Variants in ZC3H3 observed in about 807,000 individuals in gnomAD.
ZC3H3 encodes the protein zinc finger CCCH domain-containing protein 3.
A neutral mutation model predicts 77.3 loss-of-function variants in ZC3H3; 36 were observed. The ratio of observed to expected loss-of-function variants is 0.47; its 90% CI spans 0.36 to 0.61. ZC3H3 has a LOEUF of 0.61. ZC3H3 is among the 20% of genes least tolerant of loss of function. The pLI, the probability that ZC3H3 is intolerant of heterozygous loss-of-function variation, is 0.00. For missense variants in ZC3H3, 1,331 were observed against 1,312.2 expected (o/e 1.01, Z -0.22); for synonymous variants, 626 against 555.2 (o/e 1.13, Z -1.79).
In ZC3H3 at chr8:143,440,140, G is replaced by C; in HGVS notation, c.2716C>G (p.Leu906Val). Residue 906 changes from leucine (L) to valine (V), a missense_variant, in exon 11 of 12, where the codon CTC (leucine) becomes GTC (valine). By Grantham distance (32) the Leu-to-Val change is conservative. Transcript: ENST00000262577. Reference protein sequence around the residue: ...AALAAACSNRLCKLPSFISLQ... With the variant: ...AALAAACSNRVCKLPSFISLQ... ...GAGATGAAGGAAGGCAGCTTGCAGA[G>C]CCTGTTGGAGCACGCTGCTGCTAAG... 6.2e-7 allele frequency: 1 copy of C among 1,611,800 alleles called. No individual in the cohort carries two copies. The highest frequency in any genetic ancestry group is 1.1e-5 in the South Asian group (1 of 90,762).
chr8:143,445,007 A>G (rs1013886544), intron 9 of ZC3H3, among the ~76,000 whole-genome samples: 2 of 152,238 alleles, frequency 1.3e-5, no homozygotes, highest in African/African-American at 2.4e-5. Flanking sequence ...TTATATTTCT[A>G]TACGCCAATG....
intron 4 of ZC3H3, among the ~76,000 whole-genome samples, chr8:143,503,242 T>C (rs10102644): frequency 0.14 from 21,225 of 152,174 alleles, 1,995 homozygotes; most frequent in East Asian, 0.46. Context: ...ATGCCACCCG[T>C]TGAGGCAGGA....
At chr8:143,489,470 C>T (rs1038726866) in intron 4 of ZC3H3, among the ~76,000 whole-genome samples, 8 of 152,058 alleles carry the variant, frequency 5.3e-5, no homozygotes, top group Admixed American at 4.6e-4. Flanking sequence ...CCGCCCACCA[C>T]CGCCTGGCCC....
chr8:143,475,162 G>T (rs1586901646), intron 5 of ZC3H3, among the ~76,000 whole-genome samples: 1 of 152,216 alleles, frequency 6.6e-6, no homozygotes. Flanking sequence ...CGAAGGCGCC[G>T]GGTGTATGGA....
chr8:143,472,789 G>A (rs1487849970), intron 5 of ZC3H3, among the ~76,000 whole-genome samples: 3 of 152,228 alleles, frequency 2.0e-5, no homozygotes, highest in Admixed American at 6.5e-5. Flanking sequence ...CGTGGGTCCC[G>A]CGGGTGCACG....
At chr8:143,505,656 G>A (rs998989020) in intron 4 of ZC3H3, among the ~76,000 whole-genome samples, 2 of 152,196 alleles carry the variant, frequency 1.3e-5, no homozygotes, top group African/African-American at 2.4e-5. Context: ...GGGGTGAGGC[G>A]GTCAGGAAAG....
At chr8:143,541,264 G>A in intron 1 of ZC3H3, 112 bp downstream of exon 1, 3 of 1,553,610 alleles carry the variant, frequency 1.9e-6, no homozygotes, top group Non-Finnish European at 2.6e-6. Context: ...CACCCCAGCC[G>A]CCACCCAGAA....
intron 8 of ZC3H3, 21 bp downstream of exon 8, chr8:143,468,188 G>A (rs1820463921): frequency 1.2e-6 from 2 of 1,604,136 alleles, no homozygotes; most frequent in Non-Finnish European, 1.7e-6. Flanking sequence ...ACGGGAGCAG[G>A]GCCACCAGCG....
Position 143,460,293 on chromosome 8 carries a change from A to AAATAAAT in ZC3H3, c.2307+5423_2307+5424insATTTATT, listed in dbSNP as rs772960203. ...ATAAATAAATAAATAAATAAATAAA[A>AAATAAAT]GGCATCCCAATTGAAAAGGAAGAAG... On this transcript the variant is annotated intron_variant, in intron 9 of 11. Coordinates refer to ENST00000262577, the MANE Select transcript of ZC3H3 (RefSeq NM_015117.3). This position sits in a 1 kb window ranked among gnomAD's most constrained non-coding sequence, Gnocchi z 4.0. Among the ~76,000 whole-genome samples the AAATAAAT allele has an allele frequency of 3.1e-4, 43 of 140,292 alleles. No homozygotes were observed. Among genetic ancestry groups the AAATAAAT allele is most frequent in the Non-Finnish European group, 3.8e-4 (24 of 62,776 alleles). 92.0% of individuals were successfully genotyped at this position (140,292 alleles called of 152,430 possible).
In ZC3H3 at chr8:143,439,408, T is replaced by C. The variant is rs1004090966; in HGVS notation, c.2815+633A>G. Among the ~76,000 whole-genome samples, 6 of 152,316 alleles carry C rather than the reference T, an allele frequency of 3.9e-5. 1 individual carries two copies. The South Asian group carries it at 1.0e-3, about 26-fold the overall frequency. On this transcript the variant is annotated intron_variant, in intron 11 of 11. Coordinates refer to ENST00000262577, the MANE Select transcript of ZC3H3 (RefSeq NM_015117.3). ...GTCGCAAATTTGCAGCCCGCCGAGC[T>C]GCGTGGGGTTTATCGTCACTCAAAC...
chr8:143,513,157 A>G (rs1415217449), intron 3 of ZC3H3, among the ~76,000 whole-genome samples: 1 of 152,110 alleles, frequency 6.6e-6, no homozygotes, highest in Non-Finnish European at 1.5e-5. Flanking sequence ...GCTCACACCC[A>G]CGGCCTCAGC....
In ZC3H3 at chr8:143,541,407, C is replaced by T. The variant is rs747482903; in HGVS notation, c.15G>A (p.Glu5=). The change falls in exon 1 of 12, where the codon GAG becomes GAA. Residue 5 remains glutamate (E), a synonymous_variant. Transcript: ENST00000262577. MEEK[E]ILRRQIRLLQ... ...GTAGGCGGATCTGCCGCCGTAATAT[C>T]TCCTTTTCCTCCATCTCCCGAGTCC... 4.3e-6 allele frequency: 7 copies of T among 1,611,978 alleles called. No homozygotes were observed. Among genetic ancestry groups the T allele is most frequent in the South Asian group, 1.1e-5 (1 of 90,926 alleles).
intron 10 of ZC3H3, among the ~76,000 whole-genome samples, 153 bp from the exon 11 acceptor site, chr8:143,440,516 G>GC (rs1819712444): frequency 6.6e-6 from 1 of 152,202 alleles, no homozygotes; most frequent in Non-Finnish European, 1.5e-5. Flanking sequence ...GCCCTTGGCC[G>GC]CAAGGACAGG....
chr8:143,446,044 C>G (rs376578065), intron 9 of ZC3H3, among the ~76,000 whole-genome samples: 1 of 152,090 alleles, frequency 6.6e-6, no homozygotes. Flanking sequence ...AAGCAGAGCC[C>G]GCATCCACGC....
intron 9 of ZC3H3, among the ~76,000 whole-genome samples, chr8:143,454,619 G>A (rs71520522): frequency 0.18 from 27,816 of 151,594 alleles, 3,012 homozygotes; most frequent in East Asian, 0.27. Context: ...TACCGTGTTA[G>A]CCAGGATGGT....
At chr8:143,495,811 C>T (rs1191416916) in intron 4 of ZC3H3, among the ~76,000 whole-genome samples, 2 of 151,046 alleles carry the variant, frequency 1.3e-5, no homozygotes, top group Non-Finnish European at 2.9e-5. Context: ...CTATGTTGCC[C>T]GAGCTGGTCT....
In ZC3H3 at chr8:143,538,583, C is replaced by A; in HGVS notation, c.784G>T (p.Asp262Tyr). The A allele has an allele frequency of 6.2e-7, 1 of 1,610,640 alleles. No individual in the cohort carries two copies. Among genetic ancestry groups the A allele is most frequent in the South Asian group, 1.1e-5 (1 of 91,084 alleles). Residue 262 changes from aspartate to tyrosine, a missense_variant, in exon 2 of 12, where the codon GAC becomes TAC. Coordinates refer to ENST00000262577, the MANE Select transcript of ZC3H3 (RefSeq NM_015117.3). ...GTGTGGCCAGCATCTACTCTCCTGT[C>A]CCCAAGGAGCTGTGGAGCACAGCTG... is the stretch of plus-strand genomic sequence containing the variant. ...VASCAPQLLG[D>Y]RRVDAGHTDQ...
chr8:143,526,486 T>C (rs962321909), intron 3 of ZC3H3, among the ~76,000 whole-genome samples: 2 of 152,204 alleles, frequency 1.3e-5, no homozygotes, highest in African/African-American at 4.8e-5. Context: ...AGCACGCGAT[T>C]GGACTTGGTG....
At chr8:143,518,314 AG>A (rs1312454443) in intron 3 of ZC3H3, among the ~76,000 whole-genome samples, 1 of 151,912 alleles carries the variant, frequency 6.6e-6, no homozygotes, top group Non-Finnish European at 1.5e-5. Flanking sequence ...TCCCAAGGTC[AG>A]TGGAACAGAT....
Sources: gnomAD v4.1 joint callset for allele counts (sites outside exome capture counted in the v4.1 genomes callset) on GRCh38, gnomAD v4.1.1 for gene constraint, Gnocchi (gnomAD v3.1) non-coding constraint, MANE v1.5 for transcripts, NCBI Gene and HGNC (gene_info 2026-07-23, HGNC 2026-07-21) for gene names.